Variants in DNAH12 observed in about 807,000 individuals in gnomAD.
The protein encoded by DNAH12 is dynein axonemal heavy chain 12, also known as axonemal beta dynein heavy chain 12.
In DNAH12, 285 loss-of-function variants were observed where a neutral mutation model predicts 371.5. The ratio of observed to expected loss-of-function variants is 0.77; its 90% CI spans 0.70 to 0.85. DNAH12 has a LOEUF of 0.85. Ranked by LOEUF, DNAH12 falls within the 40% of genes least tolerant of loss-of-function variation. DNAH12 has a pLI of 0.00. For synonymous variants in DNAH12, 1,200 were observed against 1,213.0 expected, an observed-to-expected ratio of 0.99 and a Z score of 0.22; for missense variants, 3,611 against 3,689.4, an observed-to-expected ratio of 0.98 and a Z score of 0.55.
chr3:57,364,379 C>T (rs966980839), intron 57 of DNAH12, among the ~76,000 whole-genome samples: 12 of 152,172 alleles, frequency 7.9e-5, no homozygotes, highest in South Asian at 6.2e-4. Context: ...ACTTTTAATT[C>T]GATTTCATTT....
Position 57,446,518 on chromosome 3 carries a change from G to C in DNAH12, c.3939+19C>G. 2.0e-6 allele frequency: 3 copies of C among 1,513,686 alleles called. No individual in the cohort carries two copies. Among genetic ancestry groups the C allele is most frequent in the Non-Finnish European group, 2.7e-6 (3 of 1,129,480 alleles). 93.8% of individuals were successfully genotyped at this position (1,513,686 alleles called of 1,614,324 possible). A position where few individuals can be genotyped will look rare whatever the true frequency, so the allele number is the denominator to read the frequency against. The stretch of plus-strand genomic sequence containing the variant: ...TAAGTTTGAAACATTTAATATTATT[G>C]ATTCAGCAATTTAACTACCTTTCCC... On this transcript the variant is annotated intron_variant, in intron 26 of 73. Transcript: ENST00000495027.
intron 57 of DNAH12, among the ~76,000 whole-genome samples, chr3:57,366,298 C>T (rs1250523331): frequency 2.0e-5 from 3 of 152,140 alleles, no homozygotes; most frequent in Non-Finnish European, 4.4e-5. Context: ...TAAATAATCC[C>T]TTGTTTGGCA....
At position 57,391,876 on chromosome 3, in the gene DNAH12, A is replaced by G. The variant is rs2063630774; in HGVS notation, c.7301T>C (p.Phe2434Ser). The G allele has an allele frequency of 6.5e-6, 1 of 153,138 alleles. No individual in the cohort carries two copies. Among genetic ancestry groups the G allele is most frequent in the Non-Finnish European group, 1.5e-5 (1 of 68,060 alleles). 9.5% of individuals were successfully genotyped at this position (153,138 alleles called of 1,614,324 possible). ...SLINCCTIDW[F>S]QSWPEDALER... ...CAACCAAGAAAAATTACAAACCTGA[A>G]ACCAGTCAATGGTACAGCAATTGAT... The change falls in exon 45 of 74, where the codon TTT (phenylalanine) becomes TCT (serine). Residue 2434 changes from phenylalanine to serine, a missense_variant. Transcript: ENST00000495027.
chr3:57,400,665 AAT>A (rs1209605173), intron 43 of DNAH12, among the ~76,000 whole-genome samples: 2 of 152,238 alleles, frequency 1.3e-5, no homozygotes, highest in African/African-American at 4.8e-5. Context: ...TCACTCTCAA[AAT>A]ATCTTATTGT....
At chr3:57,338,116 G>C (rs1226738768) in intron 60 of DNAH12, among the ~76,000 whole-genome samples, 7 of 152,188 alleles carry the variant, frequency 4.6e-5, no homozygotes, top group Admixed American at 1.3e-4. Flanking sequence ...GGGCTCCCGT[G>C]ATTCTCCTGC....
intron 29 of DNAH12, among the ~76,000 whole-genome samples, chr3:57,442,632 A>G (rs1189977766): frequency 6.6e-6 from 1 of 152,190 alleles, no homozygotes; most frequent in Non-Finnish European, 1.5e-5. Flanking sequence ...GCAATTTAGT[A>G]CTATTTTTCC....
At chr3:57,486,802 A>T (rs187914451) in intron 12 of DNAH12, among the ~76,000 whole-genome samples, 1 of 152,248 alleles carries the variant, frequency 6.6e-6, no homozygotes, top group East Asian at 1.9e-4. Flanking sequence ...TCCGGGCAAC[A>T]TAGTAGGACC....
rs2064898305 is a variant in DNAH12, at chr3:57,429,740, G to A, written c.5015C>T (p.Ser1672Phe). Residue 1672 changes from serine to phenylalanine, a missense_variant, in exon 33 of 74, where the codon TCC becomes TTC. Coordinates refer to ENST00000495027, the MANE Select transcript of DNAH12 (RefSeq NM_001366028.2). ...CLMSGEIIQM[S>F]PQMSLIFETM... is the part of the protein sequence containing the mutation. ...TTCAAAGATGAGGCTCATTTGGGGG[G>A]ACATCTGAATGATTTCTCCACTCAT... 6.5e-7 allele frequency: 1 copy of A among 1,531,154 alleles called. No homozygotes were observed. The highest frequency in any genetic ancestry group is 8.8e-7 in the Non-Finnish European group (1 of 1,139,916). The allele number at this position is 1,531,154 out of a possible 1,614,324, so 94.8% of individuals were successfully genotyped here.
At chr3:57,481,120 A>G (rs947353844) in intron 13 of DNAH12, among the ~76,000 whole-genome samples, 5 of 152,204 alleles carry the variant, frequency 3.3e-5, no homozygotes, top group African/African-American at 1.2e-4. Context: ...GGAAAAGAGG[A>G]AGTCAAATTG....
intron 55 of DNAH12, among the ~76,000 whole-genome samples, chr3:57,374,004 T>C (rs1203678142): frequency 6.6e-6 from 1 of 152,210 alleles, no homozygotes; most frequent in African/African-American, 2.4e-5. Context: ...TTCAGGATGT[T>C]AGATTTCCTT....
rs951434240 is a variant in DNAH12, at chr3:57,482,090, G to C, written c.1650+1286C>G. Among the ~76,000 whole-genome samples the C allele has an allele frequency of 1.1e-3, 162 of 152,176 alleles. 1 individual carries two copies. The highest frequency in any genetic ancestry group is 1.8e-3 in the Non-Finnish European group (124 of 67,980). On this transcript the variant is annotated intron_variant, in intron 13 of 73. Coordinates refer to ENST00000495027, the MANE Select transcript of DNAH12 (RefSeq NM_001366028.2). ...ACAAATGGGATCTAATTAAACTAAA[G>C]AGCTTCTGCACAGCAAAAGAAACTA...
intron 60 of DNAH12, among the ~76,000 whole-genome samples, chr3:57,351,608 CA>C (rs1261530242): frequency 2.0e-5 from 3 of 152,254 alleles, no homozygotes; most frequent in Non-Finnish European, 4.4e-5. Context: ...CATGCTACCA[CA>C]TGGATGAATC....
At chr3:57,305,188 T>C (rs1306693391) in intron 69 of DNAH12, among the ~76,000 whole-genome samples, 1 of 152,170 alleles carries the variant, frequency 6.6e-6, no homozygotes, top group Non-Finnish European at 1.5e-5. Context: ...GGCATTCTTT[T>C]ACACATTGTT....
chr3:57,497,160 C>A (rs535636309), intron 11 of DNAH12, among the ~76,000 whole-genome samples: 2 of 152,278 alleles, frequency 1.3e-5, no homozygotes, highest in African/African-American at 4.8e-5. Context: ...TTCAAGATGG[C>A]AGTTCTTTCC....
chr3:57,350,640 A>G (rs923865153), intron 60 of DNAH12, among the ~76,000 whole-genome samples: 4 of 152,228 alleles, frequency 2.6e-5, no homozygotes, highest in African/African-American at 9.6e-5. Flanking sequence ...CAAAGCAAGA[A>G]CCATAAATCA....
chr3:57,397,198 C>T (rs2063759958), intron 43 of DNAH12, among the ~76,000 whole-genome samples: 1 of 147,196 alleles, frequency 6.8e-6, no homozygotes, highest in Admixed American at 6.6e-5. Context: ...GACCCTTGTT[C>T]TCCCCTGAAG....
rs915318721 is a variant in DNAH12, at chr3:57,323,646, T to C, written c.9979-27A>G. 2.0e-5 allele frequency: 30 copies of C among 1,486,756 alleles called. 1 individual carries two copies. The highest frequency in any genetic ancestry group is 2.7e-5 in the Admixed American group (1 of 36,548). The allele number at this position is 1,486,756 out of a possible 1,614,324, so 92.1% of individuals were successfully genotyped here. On this transcript the variant is annotated intron_variant, in intron 62 of 73. Coordinates refer to ENST00000495027, the MANE Select transcript of DNAH12 (RefSeq NM_001366028.2). ...TGTTGAAGAGAAAAGATATGATCTT[T>C]AGAGCAACTTTTATTTCACATAATG... is the stretch of plus-strand genomic sequence containing the variant.
In DNAH12 at chr3:57,429,674, T is replaced by C. The variant is rs1341508025; in HGVS notation, c.5064+17A>G. On this transcript the variant is annotated intron_variant, in intron 33 of 73. Transcript: ENST00000495027. ...AAGAAATGAACAAACCACCATTGTA[T>C]TAAATTATGAACTTACGGATGCCTG... 2 of 1,519,392 alleles carry C rather than the reference T, an allele frequency of 1.3e-6. No homozygotes were observed. Among genetic ancestry groups the C allele is most frequent in the African/African-American group, 1.4e-5 (1 of 71,012 alleles). 94.1% of individuals were successfully genotyped at this position (1,519,392 alleles called of 1,614,324 possible). A position where few individuals can be genotyped will look rare whatever the true frequency, so the allele number is the denominator to read the frequency against.
intron 60 of DNAH12, among the ~76,000 whole-genome samples, chr3:57,341,917 C>T (rs2153314655): frequency 6.6e-6 from 1 of 152,300 alleles, no homozygotes; most frequent in African/African-American, 2.4e-5. Flanking sequence ...TACAACCAGA[C>T]ACACAGACCA....
Sources: gnomAD v4.1 joint callset for allele counts (sites outside exome capture counted in the v4.1 genomes callset) on GRCh38, gnomAD v4.1.1 for gene constraint, MANE v1.5 for transcripts, NCBI Gene and HGNC (gene_info 2026-07-23, HGNC 2026-07-21) for gene names.